Variants in CSMD3 observed in about 807,000 individuals in gnomAD.
CSMD3 encodes CUB and Sushi multiple domains 3.
Under a neutral mutation model 435.2 loss-of-function variants are expected in CSMD3, and 177 were observed. That is an observed-to-expected ratio of 0.41 (90% confidence interval 0.36 to 0.46). The LOEUF is 0.46. Ranked by LOEUF, CSMD3 falls within the 20% of genes least tolerant of loss-of-function variation. CSMD3 has a pLI of 0.34. For synonymous variants in CSMD3, 1,656 were observed against 1,520.5 expected, an observed-to-expected ratio of 1.09 and a Z score of -2.07; for missense variants, 4,265 against 4,504.6, an observed-to-expected ratio of 0.95 and a Z score of 1.52.
intron 10 of CSMD3, among the ~76,000 whole-genome samples, chr8:112,880,146 A>G (rs996055047): frequency 6.6e-6 from 1 of 152,100 alleles, no homozygotes; most frequent in Non-Finnish European, 1.5e-5. Flanking sequence ...AAATGCAATA[A>G]AAAGGCAACT....
chr8:112,278,988 C>T (rs891888675), intron 59 of CSMD3, among the ~76,000 whole-genome samples: 2 of 150,998 alleles, frequency 1.3e-5, no homozygotes, highest in African/African-American at 2.4e-5. Context: ...CTTCCTGAAG[C>T]GTATCCTGTA....
intron 4 of CSMD3, among the ~76,000 whole-genome samples, chr8:113,100,173 C>A (rs1392785648): frequency 6.6e-6 from 1 of 152,032 alleles, no homozygotes; most frequent in Non-Finnish European, 1.5e-5. Flanking sequence ...ATCTATAAAT[C>A]AAAAATGTAA....
intron 28 of CSMD3, among the ~76,000 whole-genome samples, chr8:112,510,061 C>T (rs1822943056): frequency 6.6e-6 from 1 of 152,008 alleles, no homozygotes; most frequent in Admixed American, 6.6e-5. Flanking sequence ...CTCTTTTTTT[C>T]ACTGCATCCT....
chr8:112,478,956 G>A (rs960587597), intron 31 of CSMD3, among the ~76,000 whole-genome samples: 8 of 152,110 alleles, frequency 5.3e-5, no homozygotes, highest in East Asian at 3.9e-4. Flanking sequence ...AGAACTGCCC[G>A]ACTGTGAGAT....
At chr8:112,708,651 T>C (rs943183066) in intron 13 of CSMD3, among the ~76,000 whole-genome samples, 3 of 149,076 alleles carry the variant, frequency 2.0e-5, no homozygotes, top group Admixed American at 6.7e-5. Context: ...ATGCTTCTTT[T>C]TTTTTTTTTT....
chr8:112,222,933 C>G lies in CSMD3; in HGVS notation c.*1838G>C. ...TTTTTGGAAAAAAAAACACATTTTA[C>G]AAAAGCAATTATCCATTTTTATTTT... On this transcript the variant is annotated 3_prime_UTR_variant, in exon 71 of 71. Coordinates refer to ENST00000297405, the MANE Select transcript of CSMD3 (RefSeq NM_198123.2). The G allele has an allele frequency of 2.6e-6, 1 of 391,950 alleles. No individual in the cohort carries two copies. The highest frequency in any genetic ancestry group is 4.5e-6 in the Non-Finnish European group (1 of 221,572). The allele number at this position is 391,950 out of a possible 1,614,324, so 24.3% of individuals were successfully genotyped here.
At chr8:113,364,835 C>CA (rs1258519991) in intron 1 of CSMD3, among the ~76,000 whole-genome samples, 7 of 151,866 alleles carry the variant, frequency 4.6e-5, no homozygotes, top group African/African-American at 1.7e-4. Flanking sequence ...TGTTACATCA[C>CA]AAAAAAAGAT....
In CSMD3 at chr8:113,110,061, G is replaced by A. The variant is rs1044650034; in HGVS notation, c.710-11098C>T. Among the ~76,000 whole-genome samples the A allele has an allele frequency of 2.6e-5, 4 of 152,068 alleles. No individual in the cohort carries two copies. In the East Asian group the frequency reaches 7.7e-4, roughly 29 times the overall value. On this transcript the variant is annotated intron_variant, in intron 4 of 70. Transcript: ENST00000297405. Reference sequence around the variant, plus strand: ...CTCCTCCCCAGGCTCTTGTAGCCTGGCCTTATGATGGGAATGGCAGCCCCA... The same window carrying A: ...CTCCTCCCCAGGCTCTTGTAGCCTGACCTTATGATGGGAATGGCAGCCCCA...
chr8:112,601,449 A>G (rs1832343856), intron 22 of CSMD3, among the ~76,000 whole-genome samples: 1 of 152,174 alleles, frequency 6.6e-6, no homozygotes, highest in Non-Finnish European at 1.5e-5. Flanking sequence ...GGCGAATAAG[A>G]TACAAACATA....
At chr8:112,264,833 A>G (rs1182033929) in intron 60 of CSMD3, among the ~76,000 whole-genome samples, 1 of 152,154 alleles carries the variant, frequency 6.6e-6, no homozygotes, top group Non-Finnish European at 1.5e-5. Context: ...TTCTACAAGT[A>G]ATCATAAAAA....
At chr8:112,285,160 T>C (rs1325118614) in intron 58 of CSMD3, among the ~76,000 whole-genome samples, 19 of 152,196 alleles carry the variant, frequency 1.2e-4, no homozygotes, top group African/African-American at 3.8e-4. Flanking sequence ...ATAATATGCA[T>C]GCTAACAAAG....
chr8:113,232,193 T>C (rs1035473259), intron 3 of CSMD3, among the ~76,000 whole-genome samples: 2 of 151,604 alleles, frequency 1.3e-5, no homozygotes, highest in African/African-American at 4.8e-5. Context: ...TGTAAAATAA[T>C]GTATATTTCA....
At chr8:112,275,247 AT>A (rs1357501643) in intron 59 of CSMD3, among the ~76,000 whole-genome samples, 1 of 152,136 alleles carries the variant, frequency 6.6e-6, no homozygotes, top group African/African-American at 2.4e-5. Context: ...TGGATAATTT[AT>A]AAAGAAAAAG....
At chr8:112,879,567 T>G (rs533630535) in intron 10 of CSMD3, among the ~76,000 whole-genome samples, 2 of 152,184 alleles carry the variant, frequency 1.3e-5, no homozygotes, top group East Asian at 1.9e-4. Flanking sequence ...CCCTCTTTTT[T>G]GAACTCCATA....
chr8:112,404,173 C>A (rs1000151828), intron 35 of CSMD3, among the ~76,000 whole-genome samples: 4 of 152,000 alleles, frequency 2.6e-5, no homozygotes, highest in Admixed American at 2.6e-4. Context: ...CAATTGTTGA[C>A]AATGTCCTGA....
chr8:113,271,079 A>T (rs1197288686), intron 3 of CSMD3, among the ~76,000 whole-genome samples: 1 of 152,080 alleles, frequency 6.6e-6, no homozygotes, highest in Non-Finnish European at 1.5e-5. Context: ...GGTAGAAGAA[A>T]TTTCTAAGCA....
At chr8:112,851,832 A>G (rs534303130) in intron 11 of CSMD3, among the ~76,000 whole-genome samples, 2 of 152,306 alleles carry the variant, frequency 1.3e-5, no homozygotes, top group South Asian at 2.1e-4. Context: ...TACTCAATAC[A>G]TACTTATTTG....
intron 5 of CSMD3, among the ~76,000 whole-genome samples, chr8:113,045,684 C>G (rs1030769704): frequency 2.7e-5 from 4 of 149,546 alleles, no homozygotes; most frequent in Middle Eastern, 6.3e-3. Flanking sequence ...GTGGTTCAGA[C>G]AGCACACACC....
intron 36 of CSMD3, among the ~76,000 whole-genome samples, chr8:112,385,743 A>C (rs1829884906): frequency 6.6e-6 from 1 of 152,172 alleles, no homozygotes; most frequent in African/African-American, 2.4e-5. Context: ...GAAAAATTTG[A>C]GAATAATTTA....
Sources: gnomAD v4.1 joint callset for allele counts (sites outside exome capture counted in the v4.1 genomes callset) on GRCh38, gnomAD v4.1.1 for gene constraint, MANE v1.5 for transcripts, NCBI Gene and HGNC (gene_info 2026-07-23, HGNC 2026-07-21) for gene names.